KCNIP4: variants seen among roughly 807,000 people sequenced by gnomAD.
KCNIP4 encodes Kv channel-interacting protein 4.
A neutral mutation model predicts 34.0 loss-of-function variants in KCNIP4; 12 were observed. The ratio of observed to expected loss-of-function variants is 0.35; its 90% CI spans 0.23 to 0.57. KCNIP4 has a LOEUF of 0.57. Ranked by LOEUF, KCNIP4 falls within the 20% of genes least tolerant of loss-of-function variation. The pLI, the probability that KCNIP4 is intolerant of heterozygous loss-of-function variation, is 0.83. For missense variants in KCNIP4, 238 were observed against 311.7 expected (o/e 0.76, Z 1.78); for synonymous variants, 124 against 102.2 (o/e 1.21, Z -1.29).
chr4:21,178,347 G>T (rs59677110), intron 1 of KCNIP4, among the ~76,000 whole-genome samples: 1,635 of 152,218 alleles, frequency 0.011, 38 homozygotes, highest in African/African-American at 0.037. Context: ...CGAAGATTTT[G>T]TTGTTGATGT....
intron 1 of KCNIP4, among the ~76,000 whole-genome samples, chr4:20,914,260 G>A (rs1352800): frequency 0.3 from 46,076 of 151,920 alleles, 7,218 homozygotes; most frequent in South Asian, 0.38. Flanking sequence ...TATTATGATC[G>A]CTATAAACAT....
intron 1 of KCNIP4, among the ~76,000 whole-genome samples, chr4:21,523,811 G>A (rs1002770331): frequency 7.2e-5 from 11 of 152,174 alleles, no homozygotes; most frequent in East Asian, 5.8e-4. Flanking sequence ...GGACTCAAGC[G>A]ATCCTCTTAC....
chr4:21,313,415 C>T (rs538509886), intron 1 of KCNIP4, among the ~76,000 whole-genome samples: 3 of 152,254 alleles, frequency 2.0e-5, no homozygotes, highest in East Asian at 1.9e-4. Flanking sequence ...CAATATACAA[C>T]AATCTCCTTG....
chr4:21,193,431 G>GA (rs922960390), intron 1 of KCNIP4, among the ~76,000 whole-genome samples: 1 of 152,056 alleles, frequency 6.6e-6, no homozygotes, highest in Non-Finnish European at 1.5e-5. Context: ...CTCACGCTGA[G>GA]AAAAAATATT....
intron 1 of KCNIP4, among the ~76,000 whole-genome samples, chr4:21,280,097 A>T (rs1468467784): frequency 6.6e-6 from 1 of 152,228 alleles, no homozygotes; most frequent in African/African-American, 2.4e-5. Context: ...TTAGCAGAAT[A>T]TACAGTCTAC....
chr4:21,118,058 C>G (rs78659540), intron 1 of KCNIP4, among the ~76,000 whole-genome samples: 21,743 of 152,060 alleles, frequency 0.14, 1,759 homozygotes, highest in East Asian at 0.23. Flanking sequence ...GCATGTGGAA[C>G]AAGATGAGTT....
chr4:20,780,211 A>G (rs897358630), intron 3 of KCNIP4, among the ~76,000 whole-genome samples: 1 of 152,214 alleles, frequency 6.6e-6, no homozygotes, highest in Non-Finnish European at 1.5e-5. Context: ...AGACAGTTGA[A>G]TGGATATAAG....
intron 1 of KCNIP4, among the ~76,000 whole-genome samples, chr4:21,441,595 G>GTT (rs959920619): frequency 6.6e-6 from 1 of 152,188 alleles, no homozygotes; most frequent in African/African-American, 2.4e-5. Flanking sequence ...TACCCTTATT[G>GTT]TTTTTTGCTC....
chr4:21,039,179 G>C (rs1046172389), intron 1 of KCNIP4, among the ~76,000 whole-genome samples: 1 of 152,112 alleles, frequency 6.6e-6, no homozygotes, highest in African/African-American at 2.4e-5. Flanking sequence ...GGCCAACATG[G>C]TGAAACCCTG....
At chr4:21,133,139 A>G (rs1225093827) in intron 1 of KCNIP4, among the ~76,000 whole-genome samples, 1 of 152,186 alleles carries the variant, frequency 6.6e-6, no homozygotes, top group East Asian at 1.9e-4. Flanking sequence ...TTCTTGAGTG[A>G]TGCTGAAAGT....
chr4:21,819,940 G>A (rs1722225766), intron 1 of KCNIP4, among the ~76,000 whole-genome samples: 1 of 151,962 alleles, frequency 6.6e-6, no homozygotes, highest in Non-Finnish European at 1.5e-5. Flanking sequence ...AAATTTAGTG[G>A]CTTAAAATAC....
At chr4:21,525,733 T>C (rs1409589918) in intron 1 of KCNIP4, among the ~76,000 whole-genome samples, 1 of 152,154 alleles carries the variant, frequency 6.6e-6, no homozygotes, top group Non-Finnish European at 1.5e-5. Context: ...GAAGAAATTA[T>C]AGATTATTAT....
chr4:21,533,205 A>G (rs1367346590), intron 1 of KCNIP4, among the ~76,000 whole-genome samples: 9 of 152,240 alleles, frequency 5.9e-5, no homozygotes, highest in Non-Finnish European at 1.2e-4. Context: ...GAAATGCCAT[A>G]TCATGAATAT....
intron 3 of KCNIP4, among the ~76,000 whole-genome samples, chr4:20,770,474 C>CAAAAA (rs11371014): frequency 1.8e-4 from 27 of 146,178 alleles, no homozygotes; most frequent in Middle Eastern, 3.5e-3. Flanking sequence ...TAATATTGAC[C>CAAAAA]AAAAAAAAAA....
intron 1 of KCNIP4, among the ~76,000 whole-genome samples, chr4:21,842,937 A>G (rs998898731): frequency 4.6e-5 from 7 of 152,102 alleles, no homozygotes; most frequent in Non-Finnish European, 8.8e-5. Context: ...AATTCCTTGT[A>G]GAGTACTTAG....
At chr4:20,868,919 T>C (rs1172174250) in intron 2 of KCNIP4, among the ~76,000 whole-genome samples, 1 of 152,064 alleles carries the variant, frequency 6.6e-6, no homozygotes, top group Non-Finnish European at 1.5e-5. Flanking sequence ...CTCAGCATAA[T>C]GCAATACTCC....
At chr4:21,695,430 CT>C (rs5856656) in intron 1 of KCNIP4, among the ~76,000 whole-genome samples, 90 of 147,788 alleles carry the variant, frequency 6.1e-4, no homozygotes, top group Middle Eastern at 3.5e-3. Flanking sequence ...TGTGCTTCTT[CT>C]TTTTTTTTTT....
intron 1 of KCNIP4, among the ~76,000 whole-genome samples, chr4:21,524,841 G>A (rs189373241): frequency 9.9e-5 from 15 of 152,124 alleles, no homozygotes; most frequent in Middle Eastern, 6.8e-3. Flanking sequence ...GCACATAACA[G>A]GAAGTCAATA....
chr4:21,679,402 T>A (rs1225865226), intron 1 of KCNIP4, among the ~76,000 whole-genome samples: 1 of 152,202 alleles, frequency 6.6e-6, no homozygotes, highest in Non-Finnish European at 1.5e-5. Flanking sequence ...AAAGGATAGG[T>A]ACTTAATGAA....
Sources: allele counts gnomAD v4.1 joint callset (sites outside exome capture counted in the v4.1 genomes callset), GRCh38; gene constraint gnomAD v4.1.1; transcripts MANE v1.5; gene names NCBI Gene and HGNC (gene_info 2026-07-23, HGNC 2026-07-21).